The following NR2F1-AS1 variants were observed in gnomAD, a reference collection of about 807,000 sequenced individuals.
NR2F1-AS1 encodes the protein NR2F1 antisense RNA 1.
At chr5:93,466,907 G>T (rs1022597429) in intron 4 of NR2F1-AS1, among the ~76,000 whole-genome samples, 8 of 133,990 alleles carry the variant, frequency 6.0e-5, no homozygotes, top group African/African-American at 2.0e-4. Context: ...CCTTTTTTGG[G>T]GGGGGGGGGG....
At chr5:93,532,697 T>G (rs1580309500) in intron 4 of NR2F1-AS1, among the ~76,000 whole-genome samples, 1 of 152,228 alleles carries the variant, frequency 6.6e-6, no homozygotes, top group South Asian at 2.1e-4. Context: ...CATATCCAGG[T>G]CACCTGACCT....
chr5:93,498,392 A>T (rs936089463), intron 4 of NR2F1-AS1, among the ~76,000 whole-genome samples: 2 of 152,088 alleles, frequency 1.3e-5, no homozygotes, highest in Non-Finnish European at 2.9e-5. Context: ...TATCAGTTTT[A>T]CCTAAGGAAA....
chr5:93,503,411 G>C (rs977735509), intron 4 of NR2F1-AS1, among the ~76,000 whole-genome samples: 2 of 152,068 alleles, frequency 1.3e-5, no homozygotes, highest in Non-Finnish European at 2.9e-5. Flanking sequence ...GAGTTTTAGC[G>C]TAAGAGGGAA....
chr5:93,507,215 T>C (rs955080371), intron 4 of NR2F1-AS1, among the ~76,000 whole-genome samples: 1 of 152,262 alleles, frequency 6.6e-6, no homozygotes, highest in Admixed American at 6.5e-5. Flanking sequence ...TATTTAATAG[T>C]AAAATTTTAA....
chr5:93,581,717 TCTCTCTCTCTCTCTCTCCCCCTCTCC>T (rs1561519105), upstream of NR2F1-AS1, among the ~76,000 whole-genome samples: 30 of 62,118 alleles, frequency 4.8e-4, 1 homozygote, highest in African/African-American at 8.1e-4. Flanking sequence ...TCTCTCTCTC[TCTCTCTCTCTCTCTCTCCCCCTCTCC>T]CTCTCCCTCT....
At chr5:93,504,608 G>A (rs1409169127) in intron 4 of NR2F1-AS1, among the ~76,000 whole-genome samples, 1 of 151,978 alleles carries the variant, frequency 6.6e-6, no homozygotes, top group Non-Finnish European at 1.5e-5. Flanking sequence ...ACATGGCTGG[G>A]GAGGCCTCAG....
At chr5:93,479,496 C>T (rs77638447) in intron 4 of NR2F1-AS1, among the ~76,000 whole-genome samples, 86 of 152,292 alleles carry the variant, frequency 5.6e-4, no homozygotes, top group African/African-American at 2.0e-3. Flanking sequence ...GGAAAAGTCA[C>T]TAAACAAATG....
At chr5:93,441,099 A>T (rs962195520) in intron 4 of NR2F1-AS1, among the ~76,000 whole-genome samples, 2 of 152,238 alleles carry the variant, frequency 1.3e-5, no homozygotes, top group Admixed American at 1.3e-4. Context: ...TATTGTGATT[A>T]TAGAAATTAA....
chr5:93,554,416 G>A lies in NR2F1-AS1; in HGVS notation n.535+458C>T, dbSNP rs141755904. ...TACAGTGTTCATTCTTGTTAATACC[G>A]AGGTTTTACAATAAAATAGTTCTAC... On this transcript the variant is annotated intron_variant and non_coding_transcript_variant, in intron 3 of 5. Transcript: ENST00000660523. 6.5e-3 allele frequency among the ~76,000 whole-genome samples: 986 copies of A among 151,930 alleles called. 7 individuals carry two copies. The highest frequency in any genetic ancestry group is 8.2e-3 in the Non-Finnish European group (556 of 67,972).
At chr5:93,474,002 T>A (rs1435753642) in intron 4 of NR2F1-AS1, among the ~76,000 whole-genome samples, 1 of 152,028 alleles carries the variant, frequency 6.6e-6, no homozygotes, top group Non-Finnish European at 1.5e-5. Flanking sequence ...TAAACAGAGC[T>A]AAAAGATAAA....
In NR2F1-AS1 at chr5:93,579,847, C is replaced by T. The variant is rs990853975; in HGVS notation, n.313+620G>A. Among the ~76,000 whole-genome samples the T allele has an allele frequency of 1.3e-5, 2 of 152,238 alleles. No homozygotes were observed. The highest frequency in any genetic ancestry group is 6.5e-5 in the Admixed American group (1 of 15,288). On this transcript the variant is annotated intron_variant and non_coding_transcript_variant, in intron 1 of 5. Coordinates refer to ENST00000660523, the Ensembl canonical transcript of NR2F1-AS1. This position sits in a 1 kb window ranked among gnomAD's most constrained non-coding sequence, Gnocchi z 5.1. The stretch of plus-strand genomic sequence containing the variant: ...AATCCCGGTGCTCTCTCGCCGCCGC[C>T]GCAGGTTGTCTGCTCGGGAGAGCGG...
chr5:93,443,452 A>G (rs1749620492), intron 4 of NR2F1-AS1, among the ~76,000 whole-genome samples: 1 of 152,224 alleles, frequency 6.6e-6, no homozygotes, highest in Admixed American at 6.5e-5. Context: ...GGTATCAGTG[A>G]TTGAAGATTA....
intron 4 of NR2F1-AS1, among the ~76,000 whole-genome samples, chr5:93,536,493 A>G (rs1016918014): frequency 6.6e-6 from 1 of 152,236 alleles, no homozygotes; most frequent in African/African-American, 2.4e-5. Flanking sequence ...TCCTTAGCAT[A>G]AAGAACAAAG....
At position 93,579,618 on chromosome 5, in the gene NR2F1-AS1, G is replaced by T. The variant is rs1191295405; in HGVS notation, n.313+849C>A. 6.8e-6 allele frequency among the ~76,000 whole-genome samples: 1 copy of T among 147,116 alleles called. No homozygotes were observed. The highest frequency in any genetic ancestry group is 1.5e-5 in the Non-Finnish European group (1 of 66,778). ...CCCCAGCCCCCGGGTGCAGTCCCCAGCATCGGCTGCCCCCGCCCCCCGCGC... is the reference window on the plus strand; with the variant it reads ...CCCCAGCCCCCGGGTGCAGTCCCCATCATCGGCTGCCCCCGCCCCCCGCGC... On this transcript the variant is annotated intron_variant and non_coding_transcript_variant, in intron 1 of 5. Coordinates refer to ENST00000660523, the Ensembl canonical transcript of NR2F1-AS1. This position sits in a 1 kb window ranked among gnomAD's most constrained non-coding sequence, Gnocchi z 5.1.
chr5:93,563,551 C>CT (rs1217852191), intron 1 of NR2F1-AS1: 1 of 152,124 alleles, frequency 6.6e-6, no homozygotes, highest in Non-Finnish European at 1.5e-5. Context: ...CAAAGAGTTG[C>CT]TTTTTGAAAT....
At chr5:93,499,311 C>T (rs574248539) in intron 4 of NR2F1-AS1, among the ~76,000 whole-genome samples, 3 of 152,316 alleles carry the variant, frequency 2.0e-5, no homozygotes, top group African/African-American at 7.2e-5. Context: ...ACAGATACTG[C>T]TTTTACAAAC....
intron 4 of NR2F1-AS1, among the ~76,000 whole-genome samples, chr5:93,421,020 A>G (rs997061373): frequency 9.2e-5 from 14 of 152,248 alleles, no homozygotes; most frequent in Admixed American, 6.5e-4. Context: ...GTTGATTTAC[A>G]TGCTCCTTTG....
At chr5:93,575,418 A>G (rs1477386254) in intron 1 of NR2F1-AS1, among the ~76,000 whole-genome samples, 1 of 152,174 alleles carries the variant, frequency 6.6e-6, no homozygotes, top group African/African-American at 2.4e-5. Flanking sequence ...ATAAATTATG[A>G]TAAATTGCTC....
chr5:93,553,093 T>A (rs1278657658), intron 4 of NR2F1-AS1, among the ~76,000 whole-genome samples: 1 of 151,638 alleles, frequency 6.6e-6, no homozygotes, highest in East Asian at 1.9e-4. Flanking sequence ...TGGAAGAGAA[T>A]CTTTCCTGAA....
Sources: gnomAD v4.1 joint callset for allele counts (sites outside exome capture counted in the v4.1 genomes callset) on GRCh38, gnomAD v4.1.1 for gene constraint, Gnocchi (gnomAD v3.1) non-coding constraint, MANE v1.5 for transcripts, NCBI Gene and HGNC (gene_info 2026-07-23, HGNC 2026-07-21) for gene names.